The following ATRNL1 variants were observed in gnomAD, a reference collection of about 807,000 sequenced individuals.
ATRNL1 encodes the protein attractin-like protein 1.
ATRNL1 carries 95 observed loss-of-function variants against 182.7 expected under a neutral mutation model. The ratio of observed to expected loss-of-function variants is 0.52; its 90% CI spans 0.44 to 0.62. The LOEUF is 0.62. Among genes scored for constraint, ATRNL1 ranks in the 20% least tolerant of loss-of-function variants. The pLI, the probability that ATRNL1 is intolerant of heterozygous loss-of-function variation, is 0.00. For missense variants in ATRNL1, 1,471 were observed against 1,679.5 expected (o/e 0.88, Z 2.17); for synonymous variants, 576 against 568.3 (o/e 1.01, Z -0.19).
At chr10:115,108,921 A>C (rs906290542) in intron 1 of ATRNL1, among the ~76,000 whole-genome samples, 20 of 152,164 alleles carry the variant, frequency 1.3e-4, no homozygotes, top group Non-Finnish European at 2.2e-4. Context: ...AATTCAGCCA[A>C]GTTATTTGCT....
intron 7 of ATRNL1, among the ~76,000 whole-genome samples, chr10:115,166,871 C>T (rs1307065892): frequency 6.6e-6 from 1 of 151,660 alleles, no homozygotes; most frequent in Non-Finnish European, 1.5e-5. Context: ...TGAGAGTGTC[C>T]TTTGATGCAC....
At chr10:115,358,122 C>G (rs1554943313) in intron 19 of ATRNL1, among the ~76,000 whole-genome samples, 1 of 151,540 alleles carries the variant, frequency 6.6e-6, no homozygotes, top group Non-Finnish European at 1.5e-5. Flanking sequence ...TACAGATTAC[C>G]TGACATGATA....
chr10:115,457,144 G>A (rs782116711), intron 21 of ATRNL1, among the ~76,000 whole-genome samples: 4 of 151,996 alleles, frequency 2.6e-5, no homozygotes, highest in Admixed American at 6.6e-5. Flanking sequence ...AGTGAGTAAG[G>A]CAGAAAATAA....
intron 21 of ATRNL1, among the ~76,000 whole-genome samples, chr10:115,454,711 A>G (rs1554968350): frequency 6.6e-6 from 1 of 152,052 alleles, no homozygotes; most frequent in Non-Finnish European, 1.5e-5. Flanking sequence ...TTGCTAGTGT[A>G]TAGCAATGCA....
chr10:115,236,024 T>A (rs1850164003), intron 9 of ATRNL1, among the ~76,000 whole-genome samples: 1 of 152,192 alleles, frequency 6.6e-6, no homozygotes, highest in Non-Finnish European at 1.5e-5. Context: ...AATCAATTGC[T>A]ATTCTTTATT....
intron 10 of ATRNL1, among the ~76,000 whole-genome samples, chr10:115,243,791 G>GT (rs200699176): frequency 0.013 from 2,023 of 151,288 alleles, 42 homozygotes; most frequent in African/African-American, 0.045. Context: ...TTTAACAAAG[G>GT]TTTTTTTTTA....
At position 115,466,019 on chromosome 10, in the gene ATRNL1, G is replaced by A. The variant is rs570052340; in HGVS notation, c.3418-1155G>A. Among the ~76,000 whole-genome samples the A allele has an allele frequency of 8.4e-4, 128 of 151,510 alleles. 2 individuals carry two copies. The highest frequency in any genetic ancestry group is 1.0e-3 in the Non-Finnish European group (68 of 67,522). On this transcript the variant is annotated intron_variant, in intron 22 of 28. Coordinates refer to ENST00000355044, the MANE Select transcript of ATRNL1 (RefSeq NM_207303.4). Reference sequence around the variant, plus strand: ...GGAGGTATAAGATTGGGGCTTATACGTCTGTCAAATGGTATGGCCATCACA... The same window carrying A: ...GGAGGTATAAGATTGGGGCTTATACATCTGTCAAATGGTATGGCCATCACA...
intron 28 of ATRNL1, among the ~76,000 whole-genome samples, chr10:115,870,225 T>G (rs930973735): frequency 6.6e-6 from 1 of 152,188 alleles, no homozygotes; most frequent in Non-Finnish European, 1.5e-5. Context: ...GGCCATACTC[T>G]CTCCCTAAGG....
At chr10:115,680,983 C>G (rs193175187) in intron 26 of ATRNL1, among the ~76,000 whole-genome samples, 192 of 152,140 alleles carry the variant, frequency 1.3e-3, no homozygotes, top group African/African-American at 4.2e-3. Flanking sequence ...TGATTTATAC[C>G]TATAGTGTAT....
intron 26 of ATRNL1, among the ~76,000 whole-genome samples, chr10:115,613,409 C>T (rs1405849571): frequency 6.6e-6 from 1 of 152,130 alleles, no homozygotes; most frequent in Non-Finnish European, 1.5e-5. Flanking sequence ...CTTGTTGATG[C>T]TCTGTTAGAT....
intron 26 of ATRNL1, among the ~76,000 whole-genome samples, chr10:115,628,164 A>AG (rs1313988376): frequency 6.6e-6 from 1 of 151,830 alleles, no homozygotes; most frequent in African/African-American, 2.4e-5. Context: ...AAAAAAAGAA[A>AG]GAAAAAAAAA....
intron 28 of ATRNL1, among the ~76,000 whole-genome samples, chr10:115,920,170 A>C (rs1279446679): frequency 6.6e-6 from 1 of 152,084 alleles, no homozygotes; most frequent in Non-Finnish European, 1.5e-5. Context: ...ATTATTCCCC[A>C]CTACTCCATG....
chr10:115,627,215 C>T (rs1225800652), intron 26 of ATRNL1, among the ~76,000 whole-genome samples: 1 of 152,158 alleles, frequency 6.6e-6, no homozygotes, highest in East Asian at 1.9e-4. Context: ...CCTGCCAGAT[C>T]CCTGGCAGTC....
At chr10:115,566,196 A>C (rs1301165638) in intron 26 of ATRNL1, among the ~76,000 whole-genome samples, 2 of 151,972 alleles carry the variant, frequency 1.3e-5, no homozygotes, top group African/African-American at 4.8e-5. Context: ...CAGCTTCCCA[A>C]ATTGTTGGGA....
intron 19 of ATRNL1, among the ~76,000 whole-genome samples, chr10:115,393,321 A>G (rs548118435): frequency 6.6e-6 from 1 of 152,276 alleles, no homozygotes; most frequent in East Asian, 1.9e-4. Context: ...CAGAGACTCA[A>G]TTGAACTAGC....
intron 19 of ATRNL1, among the ~76,000 whole-genome samples, chr10:115,342,332 T>A (rs1378838375): frequency 6.6e-6 from 1 of 152,060 alleles, no homozygotes; most frequent in Admixed American, 6.6e-5. Context: ...TTTTTTAGTT[T>A]TTATTTTTTG....
intron 28 of ATRNL1, among the ~76,000 whole-genome samples, chr10:115,920,376 A>C (rs979900614): frequency 2.6e-5 from 4 of 152,214 alleles, no homozygotes; most frequent in Non-Finnish European, 4.4e-5. Context: ...CATGGAACTC[A>C]GACCAGGAAA....
chr10:115,895,057 G>A (rs1280735128), intron 28 of ATRNL1, among the ~76,000 whole-genome samples: 1 of 152,090 alleles, frequency 6.6e-6, no homozygotes, highest in Non-Finnish European at 1.5e-5. Context: ...ATGCTGAAGT[G>A]GGCTATGTAA....
chr10:115,360,755 C>T (rs768619114), intron 19 of ATRNL1, among the ~76,000 whole-genome samples: 12 of 151,598 alleles, frequency 7.9e-5, no homozygotes, highest in Admixed American at 2.0e-4. Flanking sequence ...TGGTGGATTC[C>T]TGCACCTGTC....
Sources: gnomAD v4.1 joint callset for allele counts (sites outside exome capture counted in the v4.1 genomes callset) on GRCh38, gnomAD v4.1.1 for gene constraint, MANE v1.5 for transcripts, NCBI Gene and HGNC (gene_info 2026-07-23, HGNC 2026-07-21) for gene names.